AKAP13: variants seen among roughly 807,000 people sequenced by gnomAD.
AKAP13 encodes A-kinase anchoring protein 13.
AKAP13 carries 80 observed loss-of-function variants against 264.5 expected under a neutral mutation model. That is an observed-to-expected ratio of 0.30 (90% CI 0.25 to 0.36). AKAP13 has a LOEUF of 0.36. AKAP13 is among the 10% of genes least tolerant of loss of function. AKAP13 has a pLI of 1.00. For missense variants in AKAP13, 3,712 were observed against 3,435.2 expected (o/e 1.08, Z -2.01); for synonymous variants, 1,380 against 1,250.2 (o/e 1.10, Z -2.19).
At chr15:85,454,013 C>T (rs2074190073) in intron 1 of AKAP13, among the ~76,000 whole-genome samples, 1 of 152,234 alleles carries the variant, frequency 6.6e-6, no homozygotes, top group Non-Finnish European at 1.5e-5. Flanking sequence ...TGGCCCACCT[C>T]TTCCCCTAGG....
Position 85,646,433 on chromosome 15 carries a change from C to CA in AKAP13, c.4374+487dup, listed in dbSNP as rs71141473. 6.0e-5 allele frequency among the ~76,000 whole-genome samples: 9 copies of CA among 150,678 alleles called. No homozygotes were observed. In the South Asian group the frequency reaches 1.7e-3, roughly 28 times the overall value. On this transcript the variant is annotated intron_variant, in intron 10 of 36. Coordinates refer to ENST00000394518, the MANE Select transcript of AKAP13 (RefSeq NM_007200.5). ...CAGAGCGAGACTCTGTCTCCAAAAACAAAAAAAAGGGAAAGAAAAAAGCAT... is the reference window on the plus strand; with the variant it reads ...CAGAGCGAGACTCTGTCTCCAAAAACAAAAAAAAAGGGAAAGAAAAAAGCAT...
At chr15:85,665,802 A>G (rs1015807032) in intron 13 of AKAP13, among the ~76,000 whole-genome samples, 2 of 152,106 alleles carry the variant, frequency 1.3e-5, no homozygotes, top group African/African-American at 4.8e-5. Context: ...CCTTAGCGAT[A>G]GTTTACTCAG....
At chr15:85,513,547 A>G (rs1369974841) in intron 2 of AKAP13, among the ~76,000 whole-genome samples, 2 of 152,176 alleles carry the variant, frequency 1.3e-5, no homozygotes, top group South Asian at 2.1e-4. Flanking sequence ...TTGCTGTATC[A>G]TTTTCACTCT....
At chr15:85,485,106 A>G (rs2075491289) in intron 1 of AKAP13, among the ~76,000 whole-genome samples, 1 of 152,200 alleles carries the variant, frequency 6.6e-6, no homozygotes, top group South Asian at 2.1e-4. Flanking sequence ...CAGGAATTCA[A>G]CCCTGGAAGC....
intron 2 of AKAP13, among the ~76,000 whole-genome samples, chr15:85,513,094 C>T (rs920797039): frequency 5.9e-5 from 9 of 152,138 alleles, no homozygotes; most frequent in South Asian, 2.1e-4. Context: ...CGTGAGCCAC[C>T]GTTCCCGGCC....
At chr15:85,403,157 T>C (rs935557938) in intron 1 of AKAP13, among the ~76,000 whole-genome samples, 2 of 152,184 alleles carry the variant, frequency 1.3e-5, no homozygotes, top group Non-Finnish European at 2.9e-5. Context: ...TAAGCTATGT[T>C]TTCTTTAATG....
chr15:85,613,936 G>C (rs962134801), intron 8 of AKAP13, among the ~76,000 whole-genome samples: 1 of 151,892 alleles, frequency 6.6e-6, no homozygotes, highest in Non-Finnish European at 1.5e-5. Context: ...TATCTATACA[G>C]AAAGCTATAA....
At chr15:85,458,886 C>T (rs1413933320) in intron 1 of AKAP13, among the ~76,000 whole-genome samples, 1 of 152,162 alleles carries the variant, frequency 6.6e-6, no homozygotes, top group Non-Finnish European at 1.5e-5. Context: ...ATCACTCCAG[C>T]CTTTCTTGTT....
rs557944738 is a variant in AKAP13 at position 85,610,738 on chromosome 15, G to A, written c.4161+24915G>A. Among the ~76,000 whole-genome samples the A allele has an allele frequency of 1.3e-3, 199 of 152,342 alleles. 1 individual carries two copies. The highest frequency in any genetic ancestry group is 4.4e-3 in the African/African-American group (185 of 41,578). The stretch of plus-strand genomic sequence containing the variant: ...GGCCTGTAATCCCAGCACTTCGGGA[G>A]GCCGAGGTGGGTGGATCACCTGAGG... On this transcript the variant is annotated intron_variant, in intron 8 of 36. Transcript: ENST00000394518.
At chr15:85,470,146 G>A (rs776108892) in intron 1 of AKAP13, among the ~76,000 whole-genome samples, 6 of 152,096 alleles carry the variant, frequency 3.9e-5, no homozygotes, top group African/African-American at 9.7e-5. Flanking sequence ...AAAATTAGCC[G>A]GGCATTGTGG....
At position 85,514,924 on chromosome 15, in the gene AKAP13, T is replaced by A. The variant is rs2076554744; in HGVS notation, c.34-6504T>A. 1.5e-5 allele frequency among the ~76,000 whole-genome samples: 2 copies of A among 136,972 alleles called. 1 individual carries two copies. Among genetic ancestry groups the A allele is most frequent in the Non-Finnish European group, 3.1e-5 (2 of 64,446 alleles). The allele number at this position is 136,972 out of a possible 152,430, so 89.9% of individuals were successfully genotyped here. A position where few individuals can be genotyped will look rare whatever the true frequency, so the allele number is the denominator to read the frequency against. On this transcript the variant is annotated intron_variant, in intron 2 of 36. Coordinates refer to ENST00000394518, the MANE Select transcript of AKAP13 (RefSeq NM_007200.5). ...AATAACACTCAGTTTTTATTTAGTT[T>A]ACTTAACTCTCTTGTTTCACTTTTC...
At chr15:85,731,687 T>G (rs1237806091) in intron 30 of AKAP13, among the ~76,000 whole-genome samples, 1 of 152,178 alleles carries the variant, frequency 6.6e-6, no homozygotes, top group East Asian at 1.9e-4. Context: ...AAAGGATAAA[T>G]TCTTGATTAT....
chr15:85,613,713 T>TATATATATGTA, intron 8 of AKAP13, among the ~76,000 whole-genome samples: 1 of 111,010 alleles, frequency 9.0e-6, no homozygotes, highest in South Asian at 3.4e-4. Context: ...TATATATATA[T>TATATATATGTA]TAGGAGTGCT....
chr15:85,396,605 G>A (rs2071124962), intron 1 of AKAP13, among the ~76,000 whole-genome samples: 1 of 152,038 alleles, frequency 6.6e-6, no homozygotes, highest in African/African-American at 2.4e-5. Flanking sequence ...ATTCTTTTTA[G>A]TGATTTTTAA....
At chr15:85,477,636 GGAAAAAAA>G (rs2075214089) in intron 1 of AKAP13, among the ~76,000 whole-genome samples, 1 of 34,310 alleles carries the variant, frequency 2.9e-5, no homozygotes, top group Non-Finnish European at 7.2e-5. Context: ...CTTAAAAAAA[GGAAAAAAA>G]AAAAAAAAAA....
At chr15:85,384,873 T>C (rs1479695636) in intron 1 of AKAP13, among the ~76,000 whole-genome samples, 1 of 152,218 alleles carries the variant, frequency 6.6e-6, no homozygotes, top group African/African-American at 2.4e-5. Context: ...TAATGTGTTT[T>C]TGTCAGACCT....
intron 30 of AKAP13, among the ~76,000 whole-genome samples, chr15:85,733,195 T>C (rs1203958695): frequency 6.6e-6 from 1 of 152,226 alleles, no homozygotes; most frequent in Non-Finnish European, 1.5e-5. Context: ...GGTAATAATT[T>C]ATGCCCTTTA....
intron 14 of AKAP13, among the ~76,000 whole-genome samples, chr15:85,679,742 A>C (rs1421609193): frequency 6.6e-6 from 1 of 152,246 alleles, no homozygotes; most frequent in African/African-American, 2.4e-5. Context: ...TCATGCCTTG[A>C]AAGATAATCT....
Position 85,745,242 on chromosome 15 carries a change from C to CAGAG in AKAP13, c.*567_*570dup. The CAGAG allele has an allele frequency of 6.6e-6, 1 of 152,446 alleles. No individual in the cohort carries two copies. Among genetic ancestry groups the CAGAG allele is most frequent in the Non-Finnish European group, 1.5e-5 (1 of 68,238 alleles). 9.4% of individuals were successfully genotyped at this position (152,446 alleles called of 1,614,324 possible). On this transcript the variant is annotated 3_prime_UTR_variant, in exon 37 of 37. Transcript: ENST00000394518. The stretch of plus-strand genomic sequence containing the variant: ...TATCAGCAGTTCACCCAGTACTCCT[C>CAGAG]AGAGACTGGTTTCCCTCTAAACCCA...
Sources: gnomAD v4.1 joint callset for allele counts (sites outside exome capture counted in the v4.1 genomes callset) on GRCh38, gnomAD v4.1.1 for gene constraint, MANE v1.5 for transcripts, NCBI Gene and HGNC (gene_info 2026-07-23, HGNC 2026-07-21) for gene names.